AKAP6: variants seen among roughly 807,000 people sequenced by gnomAD.
The protein encoded by AKAP6 is A-kinase anchor protein 6.
Under a neutral mutation model 188.5 loss-of-function variants are expected in AKAP6, and 58 were observed. That is an observed-to-expected ratio of 0.31 (90% confidence interval 0.25 to 0.38). The LOEUF (loss-of-function observed/expected upper bound fraction) is 0.38. AKAP6 is among the 10% of genes least tolerant of loss of function. The pLI, the probability that AKAP6 is intolerant of heterozygous loss-of-function variation, is 1.00. For synonymous variants in AKAP6, 989 were observed against 998.6 expected (o/e 0.99, Z 0.18); for missense variants, 2,710 against 2,740.0 (o/e 0.99, Z 0.24).
chr14:32,677,121 C>A (rs566411677), intron 7 of AKAP6, among the ~76,000 whole-genome samples: 102 of 152,178 alleles, frequency 6.7e-4, no homozygotes, highest in Non-Finnish European at 2.5e-4. Context: ...TCACCGCACC[C>A]GGCCTGCAAG....
At chr14:32,709,364 C>G (rs542924898) in intron 9 of AKAP6, among the ~76,000 whole-genome samples, 1 of 151,952 alleles carries the variant, frequency 6.6e-6, no homozygotes, top group East Asian at 1.9e-4. Context: ...GTCTGCTGTC[C>G]ACACTGCTGC....
chr14:32,339,963 G>C (rs1886838628), intron 1 of AKAP6, among the ~76,000 whole-genome samples: 3 of 151,334 alleles, frequency 2.0e-5, no homozygotes, highest in Admixed American at 2.0e-4. Context: ...ATTTCTCAGG[G>C]AGCAGGTGTT....
intron 8 of AKAP6, among the ~76,000 whole-genome samples, chr14:32,684,721 T>A (rs1266159168): frequency 6.7e-6 from 1 of 148,362 alleles, no homozygotes; most frequent in African/African-American, 2.5e-5. Context: ...AAAATGAGAA[T>A]CATTATCCTA....
At chr14:32,539,311 TA>T (rs570866477) in intron 3 of AKAP6, among the ~76,000 whole-genome samples, 67 of 152,344 alleles carry the variant, frequency 4.4e-4, no homozygotes, top group African/African-American at 1.6e-3. Context: ...AGCACTTACC[TA>T]AATGATACCT....
At chr14:32,593,450 G>C in intron 5 of AKAP6, among the ~76,000 whole-genome samples, 1 of 152,158 alleles carries the variant, frequency 6.6e-6, no homozygotes, top group Non-Finnish European at 1.5e-5. Context: ...TACAAGAAAT[G>C]TTGCAGACTC....
At chr14:32,474,235 CT>C (rs2138871669) in intron 2 of AKAP6, 1 of 152,248 alleles carries the variant, frequency 6.6e-6, no homozygotes, top group South Asian at 2.1e-4. Flanking sequence ...GAATTTAATT[CT>C]TTCCACATGA....
intron 1 of AKAP6, among the ~76,000 whole-genome samples, chr14:32,423,851 T>G (rs1351502436): frequency 6.6e-6 from 1 of 152,112 alleles, no homozygotes; most frequent in East Asian, 1.9e-4. Flanking sequence ...TCCTTAAAAT[T>G]TTTCCACTTC....
At position 32,829,947 on chromosome 14, in the gene AKAP6, C is replaced by A. The variant is rs375555357; in HGVS notation, c.*142C>A. On this transcript the variant is annotated 3_prime_UTR_variant, in exon 14 of 14. Transcript: ENST00000280979. ...ACTGCCGTTTATTACATTGACTTCT[C>A]CCAAGATGAATCTTCCTTCCAAATG... 3 of 702,730 alleles carry A rather than the reference C, an allele frequency of 4.3e-6. No individual in the cohort carries two copies. Among genetic ancestry groups the A allele is most frequent in the East Asian group, 2.7e-5 (1 of 37,280 alleles). 43.5% of individuals were successfully genotyped at this position (702,730 alleles called of 1,614,324 possible).
At position 32,706,810 on chromosome 14, in the gene AKAP6, A is replaced by G. The variant is rs150951083; in HGVS notation, c.3000+10700A>G. ...ATTTACATAAGACACAAAACACACA[A>G]ACACACTACACACACATGCAAGCTA... On this transcript the variant is annotated intron_variant, in intron 9 of 13. Transcript: ENST00000280979. Among the ~76,000 whole-genome samples, 604 of 152,108 alleles carry G rather than the reference A, an allele frequency of 4.0e-3. 7 individuals carry two copies. The highest frequency in any genetic ancestry group is 0.014 in the African/African-American group (581 of 41,516).
At chr14:32,651,899 C>G (rs1335332164) in intron 7 of AKAP6, among the ~76,000 whole-genome samples, 8 of 152,062 alleles carry the variant, frequency 5.3e-5, no homozygotes, top group African/African-American at 9.7e-5. Flanking sequence ...CCCCTTACAT[C>G]TTAGGCCCAT....
chr14:32,642,422 CTT>C (rs994489171), intron 7 of AKAP6, among the ~76,000 whole-genome samples: 2 of 152,182 alleles, frequency 1.3e-5, no homozygotes, highest in African/African-American at 4.8e-5. Context: ...CTGTTTAAAA[CTT>C]TAATGTAATT....
At chr14:32,683,269 C>T (rs139117829) in intron 8 of AKAP6, among the ~76,000 whole-genome samples, 1 of 152,206 alleles carries the variant, frequency 6.6e-6, no homozygotes, top group East Asian at 1.9e-4. Context: ...GCTGAGATTA[C>T]AGGAGTGAGC....
chr14:32,567,567 G>A (rs922020875), intron 4 of AKAP6, among the ~76,000 whole-genome samples: 1 of 152,022 alleles, frequency 6.6e-6, no homozygotes, highest in East Asian at 1.9e-4. Context: ...TATTATTGCT[G>A]AATAATAATT....
chr14:32,620,622 T>A (rs1886779294), intron 7 of AKAP6, among the ~76,000 whole-genome samples: 1 of 152,048 alleles, frequency 6.6e-6, no homozygotes, highest in Admixed American at 6.6e-5. Flanking sequence ...GGTCTGTAGT[T>A]TTCTTTTTTT....
chr14:32,403,069 C>T (rs1889153406), intron 1 of AKAP6: 1 of 152,132 alleles, frequency 6.6e-6, no homozygotes, highest in Non-Finnish European at 1.5e-5. Flanking sequence ...GTATACAACA[C>T]TGTAGACTTA....
intron 1 of AKAP6, among the ~76,000 whole-genome samples, chr14:32,427,956 C>A (rs1249633666): frequency 6.6e-6 from 1 of 152,146 alleles, no homozygotes; most frequent in African/African-American, 2.4e-5. Flanking sequence ...ATAAGCAGGG[C>A]ACAGAAAGAC....
chr14:32,545,089 C>CT (rs1883133703), intron 3 of AKAP6, 141 bp from the exon 4 acceptor site: 1 of 732,600 alleles, frequency 1.4e-6, no homozygotes, highest in African/African-American at 1.8e-5. Flanking sequence ...ATTAATATCC[C>CT]TTTGTGTATG....
Position 32,562,616 on chromosome 14 carries a change from C to T in AKAP6, c.2347-14504C>T, listed in dbSNP as rs189960632. 4.0e-4 allele frequency among the ~76,000 whole-genome samples: 61 copies of T among 152,024 alleles called. No individual in the cohort carries two copies. In the East Asian group the frequency reaches 0.011, roughly 28 times the overall value. ...CTACTAAACATATAAAAATTAGCTG[C>T]GTGTGGTGACAGGTGCCTGTAGTCC... On this transcript the variant is annotated intron_variant, in intron 4 of 13. Transcript: ENST00000280979.
intron 12 of AKAP6, among the ~76,000 whole-genome samples, chr14:32,775,808 A>C (rs1208627571): frequency 6.6e-6 from 1 of 152,178 alleles, no homozygotes; most frequent in Non-Finnish European, 1.5e-5. Flanking sequence ...AAGCTACTAC[A>C]TACAGGTAGA....
Sources: allele counts gnomAD v4.1 joint callset (sites outside exome capture counted in the v4.1 genomes callset), GRCh38; gene constraint gnomAD v4.1.1; transcripts MANE v1.5; gene names NCBI Gene and HGNC (gene_info 2026-07-23, HGNC 2026-07-21).